The following TRIM66 variants were observed in gnomAD, a reference collection of about 807,000 sequenced individuals.
The protein encoded by TRIM66 is tripartite motif containing 66, also known as tripartite motif-containing protein 66.
A neutral mutation model predicts 148.2 loss-of-function variants in TRIM66; 99 were observed. The ratio of observed to expected loss-of-function variants is 0.67; its 90% CI spans 0.57 to 0.79. The LOEUF (loss-of-function observed/expected upper bound fraction) is 0.79. Among genes scored for constraint, TRIM66 ranks in the 30% least tolerant of loss-of-function variants. The pLI, the probability that TRIM66 is intolerant of heterozygous loss-of-function variation, is 0.00. For synonymous variants in TRIM66, 616 were observed against 635.9 expected (o/e 0.97, Z 0.47); for missense variants, 1,666 against 1,697.9 (o/e 0.98, Z 0.33).
intron 15 of TRIM66, among the ~76,000 whole-genome samples, chr11:8,636,468 T>G (rs1414256556): frequency 6.6e-6 from 1 of 152,156 alleles, no homozygotes; most frequent in South Asian, 2.1e-4. Context: ...CACAAAAGAA[T>G]AGCAATAATT....
intron 15 of TRIM66, among the ~76,000 whole-genome samples, chr11:8,629,540 A>G (rs777479821): frequency 6.6e-5 from 10 of 152,178 alleles, no homozygotes; most frequent in Non-Finnish European, 1.0e-4. Context: ...AACTTCCCAG[A>G]TTAGGGGTAG....
At chr11:8,674,540 C>T (rs1355280104) in intron 4 of TRIM66, among the ~76,000 whole-genome samples, 2 of 152,116 alleles carry the variant, frequency 1.3e-5, no homozygotes, top group South Asian at 2.1e-4. Flanking sequence ...CCACCACACC[C>T]GACTATTTTA....
At position 8,618,661 on chromosome 11, in the gene TRIM66, C is replaced by CTGAA; in HGVS notation, c.4119+88_4119+89insTTCA. The stretch of plus-strand genomic sequence containing the variant: ...TGTCACCACCATCTTTTTGCACCAC[C>CTGAA]CGAACAGCTTCACCTTAGGTTCTGC... On this transcript the variant is annotated intron_variant, in intron 24 of 24. Coordinates refer to ENST00000646038, the MANE Select transcript of TRIM66 (RefSeq NM_001388022.1). 2.4e-6 allele frequency: 3 copies of CTGAA among 1,259,514 alleles called. No individual in the cohort carries two copies. In the South Asian group the frequency reaches 4.3e-5, roughly 18 times the overall value. The allele number at this position is 1,259,514 out of a possible 1,614,324, so 78.0% of individuals were successfully genotyped here.
intron 13 of TRIM66, among the ~76,000 whole-genome samples, chr11:8,642,424 G>C (rs371949210): frequency 6.6e-6 from 1 of 152,128 alleles, no homozygotes; most frequent in African/African-American, 2.4e-5. Context: ...TTTAACACTC[G>C]TTAGGCTGTC....
intron 12 of TRIM66, 87 bp downstream of exon 12, chr11:8,645,654 C>T (rs1037780362): frequency 7.4e-6 from 11 of 1,494,602 alleles, no homozygotes; most frequent in Non-Finnish European, 9.9e-6. Context: ...AAAGGCACTT[C>T]CAAGGACTGC....
chr11:8,618,588 A>G, intron 24 of TRIM66, 162 bp downstream of exon 24: 1 of 665,296 alleles, frequency 1.5e-6, no homozygotes, highest in Non-Finnish European at 2.6e-6. Context: ...TGGGCCCTGT[A>G]CTGCCCTGCC....
At chr11:8,682,780 G>A (rs369773551), upstream of TRIM66, 3 of 1,613,564 alleles carry the variant, frequency 1.9e-6, no homozygotes, top group Non-Finnish European at 2.5e-6. Context: ...GCGAGACTTG[G>A]CGAAGGCCTT....
chr11:8,674,271 T>G (rs1027425759), intron 4 of TRIM66, among the ~76,000 whole-genome samples: 6 of 152,206 alleles, frequency 3.9e-5, no homozygotes, highest in African/African-American at 1.4e-4. Context: ...ACATTAGAAG[T>G]TAAAGCTGAG....
chr11:8,619,983 G>C, intron 22 of TRIM66, 67 bp downstream of exon 22: 2 of 1,371,124 alleles, frequency 1.5e-6, no homozygotes, highest in Non-Finnish European at 2.0e-6. Context: ...AGGGGAGGCT[G>C]GGGTAGCAGT....
intron 6 of TRIM66, chr11:8,663,229 G>C (rs186459084): frequency 6.6e-6 from 1 of 152,186 alleles, no homozygotes; most frequent in Non-Finnish European, 1.5e-5. Flanking sequence ...TTGCTGGGGA[G>C]AATCTCAGCT....
intron 4 of TRIM66, among the ~76,000 whole-genome samples, 159 bp from the exon 5 acceptor site, chr11:8,672,544 C>T (rs572689592): frequency 2.4e-4 from 36 of 151,800 alleles, no homozygotes; most frequent in African/African-American, 8.5e-4. Flanking sequence ...GGCTGGGTCA[C>T]GCACAAAGAC....
At chr11:8,642,759 G>T (rs1409745722) in intron 13 of TRIM66, among the ~76,000 whole-genome samples, 3 of 139,356 alleles carry the variant, frequency 2.2e-5, no homozygotes, top group Non-Finnish European at 4.5e-5. Context: ...TACACAGAAT[G>T]GTAAACTCAG....
intron 15 of TRIM66, among the ~76,000 whole-genome samples, chr11:8,628,482 A>G (rs1269703042): frequency 6.6e-6 from 1 of 151,862 alleles, no homozygotes; most frequent in Non-Finnish European, 1.5e-5. Context: ...GCATGGTGGC[A>G]TGGGCCTGTG....
rs369481963 is a variant in TRIM66 at position 8,679,353 on chromosome 11, C to G, written c.-190+267G>C. Reference sequence around the variant, plus strand: ...CAGGGTACTCCCTCTACAACCAGATCAAGCCATTGATGAGAAGAATGTTAG... The same window carrying G: ...CAGGGTACTCCCTCTACAACCAGATGAAGCCATTGATGAGAAGAATGTTAG... On this transcript the variant is annotated intron_variant, in intron 3 of 24. Transcript: ENST00000646038. 13 of 152,340 alleles carry G rather than the reference C, an allele frequency of 8.5e-5. No homozygotes were observed. In the East Asian group the frequency reaches 2.5e-3, roughly 29 times the overall value. The allele number at this position is 152,340 out of a possible 1,614,324, so 9.4% of individuals were successfully genotyped here. A position where few individuals can be genotyped will look rare whatever the true frequency, so the allele number is the denominator to read the frequency against.
At position 8,649,797 on chromosome 11, in the gene TRIM66, G is replaced by C; in HGVS notation, c.535C>G (p.Arg179Gly). Residue 179 changes from arginine to glycine, a missense_variant, in exon 8 of 25, where the codon CGA (arginine) becomes GGA (glycine). This residue lies in a region of TRIM66 where 1,431 missense variants were observed against 1,412.4 expected (regional missense o/e 1.01). Transcript: ENST00000646038. ...WLCSSCTEEH[R>G]HSPVPGGPFF... Reference sequence around the variant, plus strand: ...GGGCCCCCGGGGACAGGGCTGTGTCGGTGTTCCTCTGTGCAAGAGCTGCAC... The same window carrying C: ...GGGCCCCCGGGGACAGGGCTGTGTCCGTGTTCCTCTGTGCAAGAGCTGCAC... 1 of 1,551,674 alleles carries C rather than the reference G, an allele frequency of 6.4e-7. No individual in the cohort carries two copies. Among genetic ancestry groups the C allele is most frequent in the Non-Finnish European group, 8.7e-7 (1 of 1,147,002 alleles).
At chr11:8,651,716 TGATG>T in intron 7 of TRIM66, 80 bp downstream of exon 7, 1 of 1,040,314 alleles carries the variant, frequency 9.6e-7, no homozygotes, top group Non-Finnish European at 1.5e-6. Context: ...GATGATAGAG[TGATG>T]GATGGATAGA....
rs577850514 is a variant in TRIM66 at position 8,681,878 on chromosome 11, G to A, written c.-548+723C>T. Reference sequence around the variant, plus strand: ...TTGTGTCCAGGAAAGGGTCACAGGCGTGTTATGTAGATTCTGGAGAAAATT... The same window carrying A: ...TTGTGTCCAGGAAAGGGTCACAGGCATGTTATGTAGATTCTGGAGAAAATT... On this transcript the variant is annotated intron_variant, in intron 1 of 24. Coordinates refer to ENST00000646038, the MANE Select transcript of TRIM66 (RefSeq NM_001388022.1). Among the ~76,000 whole-genome samples, 42 of 152,232 alleles carry A rather than the reference G, an allele frequency of 2.8e-4. 1 individual carries two copies. The highest frequency in any genetic ancestry group is 9.6e-4 in the African/African-American group (40 of 41,528).
chr11:8,677,930 T>G (rs2039253197), intron 3 of TRIM66, among the ~76,000 whole-genome samples: 1 of 152,224 alleles, frequency 6.6e-6, no homozygotes, highest in Admixed American at 6.5e-5. Context: ...TTTTACTTTG[T>G]GCTGAAGAAA....
At chr11:8,681,398 G>T (rs1459508865) in intron 1 of TRIM66, among the ~76,000 whole-genome samples, 1 of 152,098 alleles carries the variant, frequency 6.6e-6, no homozygotes, top group Admixed American at 6.6e-5. Context: ...CTTCCAAAGT[G>T]CTGGGATTAC....
Sources: allele counts gnomAD v4.1 joint callset (sites outside exome capture counted in the v4.1 genomes callset), GRCh38; gene constraint gnomAD v4.1.1; regional missense constraint gnomAD v4.1.1; transcripts MANE v1.5; gene names NCBI Gene and HGNC (gene_info 2026-07-23, HGNC 2026-07-21).